ADGRV1: variants seen among roughly 807,000 people sequenced by gnomAD.
ADGRV1 encodes adhesion G protein-coupled receptor V1.
Under a neutral mutation model 596.2 loss-of-function variants are expected in ADGRV1, and 359 were observed. The observed-to-expected ratio is 0.60, with a 90% CI of 0.55 to 0.66. ADGRV1 has a LOEUF of 0.66. Among genes scored for constraint, ADGRV1 ranks in the 30% least tolerant of loss-of-function variants. ADGRV1 has a pLI of 0.00. For synonymous variants in ADGRV1, 2,681 were observed against 2,679.2 expected (o/e 1.00, Z -0.02); for missense variants, 7,274 against 7,575.6 (o/e 0.96, Z 1.48).
intron 17 of ADGRV1, 116 bp from the exon 18 acceptor site, chr5:90,651,488 A>C: frequency 1.1e-6 from 1 of 873,284 alleles, no homozygotes; most frequent in Non-Finnish European, 1.7e-6. Flanking sequence ...ACCTTCAGTG[A>C]GGAAATTCTT....
intron 43 of ADGRV1, among the ~76,000 whole-genome samples, chr5:90,719,080 G>A (rs569043463): frequency 3.3e-5 from 5 of 152,198 alleles, no homozygotes; most frequent in Admixed American, 6.5e-5. Context: ...GCACACGCCT[G>A]TAATCTTCCG....
At chr5:91,004,758 G>A (rs1782135110) in intron 85 of ADGRV1, among the ~76,000 whole-genome samples, 1 of 152,120 alleles carries the variant, frequency 6.6e-6, no homozygotes, top group African/African-American at 2.4e-5. Context: ...GGGGCTTCAG[G>A]GGGAGAATGG....
At chr5:90,601,697 A>G (rs1483282919) in intron 1 of ADGRV1, among the ~76,000 whole-genome samples, 4 of 152,344 alleles carry the variant, frequency 2.6e-5, no homozygotes, top group South Asian at 2.1e-4. Flanking sequence ...GCTGGTAAGT[A>G]TCAGAGTACT....
intron 84 of ADGRV1, among the ~76,000 whole-genome samples, chr5:90,967,892 C>T (rs368242063): frequency 6.6e-6 from 1 of 152,154 alleles, no homozygotes; most frequent in Non-Finnish European, 1.5e-5. Flanking sequence ...ACAAAAACAA[C>T]ACACACCTAG....
intron 70 of ADGRV1, among the ~76,000 whole-genome samples, chr5:90,795,787 C>T (rs934573329): frequency 1.3e-5 from 2 of 152,220 alleles, no homozygotes; most frequent in Admixed American, 6.5e-5. Context: ...TGGGTCGAAG[C>T]TTCCAGAGGA....
intron 70 of ADGRV1, among the ~76,000 whole-genome samples, chr5:90,796,299 G>A (rs1002648470): frequency 2.6e-5 from 4 of 152,012 alleles, no homozygotes; most frequent in Non-Finnish European, 5.9e-5. Flanking sequence ...TGATGGAGCT[G>A]AAAAACACAG....
intron 85 of ADGRV1, among the ~76,000 whole-genome samples, chr5:91,048,412 A>T (rs1032026852): frequency 1.3e-5 from 2 of 152,096 alleles, no homozygotes; most frequent in Admixed American, 1.3e-4. Context: ...ACCCAACCTA[A>T]CCACCTCTTT....
chr5:91,103,107 C>A (rs1419456631), intron 87 of ADGRV1, among the ~76,000 whole-genome samples: 2 of 152,136 alleles, frequency 1.3e-5, no homozygotes, highest in Non-Finnish European at 2.9e-5. Context: ...CATATACACA[C>A]CTTCAGAATT....
intron 75 of ADGRV1, chr5:90,821,931 T>C (rs1376331035): frequency 1.3e-5 from 2 of 153,292 alleles, no homozygotes; most frequent in African/African-American, 4.8e-5. Context: ...CCTTGAGCTG[T>C]GGTGGGCTCC....
chr5:90,569,005 G>A (rs2151950738), intron 1 of ADGRV1, among the ~76,000 whole-genome samples: 1 of 152,252 alleles, frequency 6.6e-6, no homozygotes, highest in Non-Finnish European at 1.5e-5. Context: ...TTGGAGGCTG[G>A]AAAGTCCAAG....
At position 90,614,944 on chromosome 5, in the gene ADGRV1, T is replaced by C. The variant is rs368716112; in HGVS notation, c.132T>C (p.Asn44=). The change falls in exon 2 of 90, where the codon AAT becomes AAC. Residue 44 remains asparagine, a synonymous_variant. Coordinates refer to ENST00000405460, the MANE Select transcript of ADGRV1 (RefSeq NM_032119.4). ...CTGGACAAACTGAATTTGTTGTTAA[T>C]GAAACAAGTACAACAGTTATTCGTC... The part of the protein sequence containing the change: ...RFTGQTEFVV[N]ETSTTVIRLI... 12 of 1,597,424 alleles carry C rather than the reference T, an allele frequency of 7.5e-6. No homozygotes were observed. The African/African-American group carries it at 1.5e-4, about 20-fold the overall frequency.
chr5:90,787,590 C>CTT (rs35504697), intron 67 of ADGRV1, among the ~76,000 whole-genome samples: 58 of 118,894 alleles, frequency 4.9e-4, no homozygotes, highest in African/African-American at 9.5e-4. Context: ...TTCTTTCTTT[C>CTT]TTTTTTTTTT....
At chr5:91,122,565 G>A (rs968401022) in intron 87 of ADGRV1, among the ~76,000 whole-genome samples, 23 of 152,120 alleles carry the variant, frequency 1.5e-4, no homozygotes, top group South Asian at 8.3e-4. Context: ...AATTATTTTG[G>A]GGGAAAAAAT....
intron 83 of ADGRV1, among the ~76,000 whole-genome samples, chr5:90,896,311 C>G (rs1382690983): frequency 9.2e-6 from 1 of 108,988 alleles, no homozygotes; most frequent in Non-Finnish European, 1.7e-5. Context: ...TGCTCTGTCT[C>G]TGGGGCTGGA....
intron 87 of ADGRV1, among the ~76,000 whole-genome samples, chr5:91,144,642 A>T (rs1795380946): frequency 6.6e-6 from 1 of 152,208 alleles, no homozygotes; most frequent in South Asian, 2.1e-4. Flanking sequence ...TTATGATTAT[A>T]GTAGGAGAGC....
intron 29 of ADGRV1, 33 bp downstream of exon 29, chr5:90,686,028 A>T: frequency 2.9e-6 from 4 of 1,386,034 alleles, no homozygotes; most frequent in Non-Finnish European, 3.9e-6. Flanking sequence ...CAGTACATAC[A>T]GAGGGATGTA....
intron 1 of ADGRV1, among the ~76,000 whole-genome samples, chr5:90,562,603 G>A (rs114210898): frequency 0.034 from 5,238 of 152,270 alleles, 146 homozygotes; most frequent in Middle Eastern, 0.068. Flanking sequence ...TTCTGGTGCA[G>A]TCACGCGTAA....
chr5:90,966,618 G>A (rs1347020286), intron 84 of ADGRV1, among the ~76,000 whole-genome samples: 1 of 151,928 alleles, frequency 6.6e-6, no homozygotes, highest in Admixed American at 6.6e-5. Flanking sequence ...CCATTGGTTT[G>A]GAAGAGATTA....
intron 83 of ADGRV1, among the ~76,000 whole-genome samples, chr5:90,961,564 G>A (rs777981991): frequency 6.8e-6 from 1 of 147,576 alleles, no homozygotes; most frequent in Admixed American, 6.7e-5. Context: ...GAGAGTATCC[G>A]TAGTAAACTG....
Sources: gnomAD v4.1 joint callset for allele counts (sites outside exome capture counted in the v4.1 genomes callset) on GRCh38, gnomAD v4.1.1 for gene constraint, MANE v1.5 for transcripts, NCBI Gene and HGNC (gene_info 2026-07-23, HGNC 2026-07-21) for gene names.